Variants in ARMC10 observed in about 807,000 individuals in gnomAD.
ARMC10 encodes armadillo repeat containing 10, also known as armadillo repeat-containing protein 10.
Under a neutral mutation model 30.2 loss-of-function variants are expected in ARMC10, and 23 were observed. The ratio of observed to expected loss-of-function variants is 0.76; its 90% confidence interval spans 0.55 to 1.08. The LOEUF (loss-of-function observed/expected upper bound fraction) is 1.08, where lower values mean the gene tolerates loss of function less well. ARMC10 is among the 50% of genes least tolerant of loss of function. ARMC10 has a pLI of 0.00. For missense variants in ARMC10, 303 were observed against 413.7 expected (o/e 0.73, Z 2.32); for synonymous variants, 111 against 164.4 (o/e 0.68, Z 2.48).
intron 5 of ARMC10, chr7:103,096,803 T>C (rs1395881572): frequency 6.3e-6 from 1 of 157,524 alleles, no homozygotes; most frequent in East Asian, 1.8e-4. Flanking sequence ...ATAATGAAGA[T>C]CGTGTATTTA....
At chr7:103,081,425 G>A (rs1800369405) in intron 2 of ARMC10, among the ~76,000 whole-genome samples, 2 of 152,190 alleles carry the variant, frequency 1.3e-5, no homozygotes, top group African/African-American at 2.4e-5. Context: ...AAGCTGGAGT[G>A]CAGTGATGCA....
rs1799592802 is a variant in ARMC10 at position 103,075,263 on chromosome 7, C to T, written c.-10C>T. On this transcript the variant is annotated 5_prime_UTR_variant, in exon 1 of 7. Transcript: ENST00000323716. ...CTGGCCCGGCGCTGCGGCTCTGCCG[C>T]GGCGGCAGCATGGGTGGCCCCCGGG... The T allele has an allele frequency of 2.5e-6, 3 of 1,195,462 alleles. No homozygotes were observed. In the South Asian group the frequency reaches 1.2e-4, roughly 50 times the overall value. 74.1% of individuals were successfully genotyped at this position (1,195,462 alleles called of 1,614,324 possible). A position where few individuals can be genotyped will look rare whatever the true frequency, so the allele number is the denominator to read the frequency against.
At position 103,098,698 on chromosome 7, in the gene ARMC10, C is replaced by T. The variant is rs1801990747; in HGVS notation, c.*145C>T. 1 of 1,373,866 alleles carries T rather than the reference C, an allele frequency of 7.3e-7. No individual in the cohort carries two copies. Among genetic ancestry groups the T allele is most frequent in the African/African-American group, 1.4e-5 (1 of 69,120 alleles). 85.1% of individuals were successfully genotyped at this position (1,373,866 alleles called of 1,614,324 possible). A position where few individuals can be genotyped will look rare whatever the true frequency, so the allele number is the denominator to read the frequency against. ...CACAGCTATAACTTGCCGTGGTTCT[C>T]AGATTTATTTTGGACTATTTTGATG... On this transcript the variant is annotated 3_prime_UTR_variant, in exon 7 of 7. Coordinates refer to ENST00000323716, the MANE Select transcript of ARMC10 (RefSeq NM_031905.5).
At chr7:103,078,690 G>A (rs1044721903) in intron 2 of ARMC10, among the ~76,000 whole-genome samples, 3 of 151,398 alleles carry the variant, frequency 2.0e-5, no homozygotes, top group Non-Finnish European at 2.9e-5. Flanking sequence ...TTTTTGAGAC[G>A]GAGTCTTGCT....
chr7:103,086,310 C>G lies in ARMC10; in HGVS notation c.394-320C>G, dbSNP rs530153967. 3.9e-5 allele frequency among the ~76,000 whole-genome samples: 6 copies of G among 152,220 alleles called. No individual in the cohort carries two copies. In the East Asian group the frequency reaches 1.2e-3, roughly 29 times the overall value. On this transcript the variant is annotated intron_variant, in intron 3 of 6. Coordinates refer to ENST00000323716, the MANE Select transcript of ARMC10 (RefSeq NM_031905.5). ...TGCCTATAATGGAGAAGTCATATAACTCATCTCAAAGAAAAATAATTTTAT... is the reference window on the plus strand; with the variant it reads ...TGCCTATAATGGAGAAGTCATATAAGTCATCTCAAAGAAAAATAATTTTAT...
intron 3 of ARMC10, 125 bp from the exon 4 acceptor site, chr7:103,086,505 A>G (rs1388166306): frequency 2.0e-6 from 2 of 1,015,392 alleles, no homozygotes; most frequent in African/African-American, 1.7e-5. Context: ...AAATATTTGT[A>G]TATGGGAAAG....
In ARMC10 at chr7:103,092,666, A is replaced by G. The variant is rs770143834; in HGVS notation, c.705+13A>G. The G allele has an allele frequency of 3.3e-6, 5 of 1,537,412 alleles. No homozygotes were observed. Among genetic ancestry groups the G allele is most frequent in the Non-Finnish European group, 4.4e-6 (5 of 1,123,914 alleles). ...TGGAAACACGAAGGTATGAAGAGCT[A>G]TTGTGTCAAGCTTATTAACATTGAA... is the stretch of plus-strand genomic sequence containing the variant. On this transcript the variant is annotated intron_variant, in intron 5 of 6. Transcript: ENST00000323716.
At chr7:103,078,826 T>G (rs1335522049) in intron 2 of ARMC10, among the ~76,000 whole-genome samples, 2 of 151,872 alleles carry the variant, frequency 1.3e-5, no homozygotes, top group South Asian at 2.1e-4. Context: ...CTGGGCAACA[T>G]AGTGAAACCC....
In ARMC10 at chr7:103,075,763, A is replaced by G. The variant is rs1361259235; in HGVS notation, c.140-14A>G. ...TTGAGGGGCCCAGAGCCATAGGTCA[A>G]TCTCTGCTTGCAGGTGCCCTGGAAG... is the stretch of plus-strand genomic sequence containing the variant. On this transcript the variant is annotated splice_polypyrimidine_tract_variant and intron_variant, in intron 1 of 6. Transcript: ENST00000323716. 3.8e-6 allele frequency: 6 copies of G among 1,594,032 alleles called. No homozygotes were observed. The East Asian group carries it at 6.8e-5, about 18-fold the overall frequency.
chr7:103,089,198 C>T (rs529229204), intron 4 of ARMC10: 1 of 253,902 alleles, frequency 3.9e-6, no homozygotes, highest in East Asian at 9.4e-5. Flanking sequence ...CCAGAACACT[C>T]TCCAGCTTTC....
intron 5 of ARMC10, among the ~76,000 whole-genome samples, chr7:103,092,890 C>G (rs1271562547): frequency 1.3e-5 from 2 of 152,156 alleles, no homozygotes; most frequent in Non-Finnish European, 2.9e-5. Context: ...AGCTTCCCCC[C>G]ACCAAATATA....
rs777182556 is a variant in ARMC10, at chr7:103,092,585, C to G, written c.637C>G (p.Gln213Glu). Residue 213 changes from glutamine (Q) to glutamate (E), a missense_variant, in exon 5 of 7, where the codon CAG becomes GAG. Transcript: ENST00000323716. ...LTNMTVTNDH[Q>E]HMLHSYITDL... The stretch of plus-strand genomic sequence containing the variant: ...AAACATGACTGTTACCAATGACCAC[C>G]AGCACATGCTTCACAGTTACATTAC... 1 of 1,609,352 alleles carries G rather than the reference C, an allele frequency of 6.2e-7. No homozygotes were observed. Among genetic ancestry groups the G allele is most frequent in the Non-Finnish European group, 8.5e-7 (1 of 1,176,190 alleles).
chr7:103,075,553 T>G (rs966021080), intron 1 of ARMC10, 142 bp downstream of exon 1: 2 of 1,073,824 alleles, frequency 1.9e-6, no homozygotes, highest in Non-Finnish European at 1.2e-6. Context: ...TGCAGGGTGC[T>G]GCGCCGCCCC....
Position 103,098,711 on chromosome 7 carries a change from G to A in ARMC10, c.*158G>A, listed in dbSNP as rs1331226196. 8.7e-6 allele frequency: 11 copies of A among 1,264,804 alleles called. No individual in the cohort carries two copies. Among genetic ancestry groups the A allele is most frequent in the Non-Finnish European group, 1.2e-5 (11 of 937,000 alleles). The allele number at this position is 1,264,804 out of a possible 1,614,324, so 78.3% of individuals were successfully genotyped here. Reference sequence around the variant, plus strand: ...TGCCGTGGTTCTCAGATTTATTTTGGACTATTTTGATGCCAAGTGAATATA... The same window carrying A: ...TGCCGTGGTTCTCAGATTTATTTTGAACTATTTTGATGCCAAGTGAATATA... On this transcript the variant is annotated 3_prime_UTR_variant, in exon 7 of 7. Transcript: ENST00000323716.
intron 5 of ARMC10, among the ~76,000 whole-genome samples, chr7:103,094,783 C>T (rs1173447830): frequency 6.6e-6 from 1 of 152,156 alleles, no homozygotes; most frequent in Non-Finnish European, 1.5e-5. Flanking sequence ...ACCCCAGAGG[C>T]CTTAATTTAT....
Position 103,075,806 on chromosome 7 carries a change from C to T in ARMC10, c.169C>T (p.Gln57Ter). The change falls in exon 2 of 7, where the codon CAG becomes TAG. Residue 57 changes from glutamine (Q) to a stop codon, truncating the protein, a stop_gained. Coordinates refer to ENST00000323716, the MANE Select transcript of ARMC10 (RefSeq NM_031905.5). LOFTEE classifies it high-confidence loss of function. ...CCTGGAAGAAGGGACGTCAGAGGGTCAGTTGTGCGGGCGCTCGGCCCGGCC... is the reference window on the plus strand; with the variant it reads ...CCTGGAAGAAGGGACGTCAGAGGGTTAGTTGTGCGGGCGCTCGGCCCGGCC... ...GALEEGTSEG[Q>*]LCGRSARPQT... is the part of the protein sequence containing the mutation. 1 of 1,610,778 alleles carries T rather than the reference C, an allele frequency of 6.2e-7. No individual in the cohort carries two copies. Among genetic ancestry groups the T allele is most frequent in the Non-Finnish European group, 8.5e-7 (1 of 1,178,666 alleles).
chr7:103,097,178 GCAGGA>G (rs2129524650), intron 5 of ARMC10, 94 bp from the exon 6 acceptor site: 1 of 985,672 alleles, frequency 1.0e-6, no homozygotes, highest in African/African-American at 1.6e-5. Flanking sequence ...GGAAGCTTAG[GCAGGA>G]CTTTAACAGG....
At chr7:103,091,396 C>T (rs979956072) in intron 4 of ARMC10, among the ~76,000 whole-genome samples, 4 of 152,142 alleles carry the variant, frequency 2.6e-5, no homozygotes, top group Non-Finnish European at 5.9e-5. Context: ...TTCCATCACA[C>T]TGAGTTTAGT....
chr7:103,083,875 A>C lies in ARMC10; in HGVS notation c.393+45A>C. 4 of 1,599,618 alleles carry C rather than the reference A, an allele frequency of 2.5e-6. No homozygotes were observed. In the South Asian group the frequency reaches 3.3e-5, roughly 13 times the overall value. On this transcript the variant is annotated intron_variant, in intron 3 of 6. Coordinates refer to ENST00000323716, the MANE Select transcript of ARMC10 (RefSeq NM_031905.5). ...AAGCAAGCTCTTTCCATTCTTACAC[A>C]CTAGCGGTAATTGTGACCCTGAATA...
Sources: gnomAD v4.1 joint callset for allele counts (sites outside exome capture counted in the v4.1 genomes callset) on GRCh38, gnomAD v4.1.1 for gene constraint, MANE v1.5 for transcripts, NCBI Gene and HGNC (gene_info 2026-07-23, HGNC 2026-07-21) for gene names.